Variants in BANK1 observed in about 807,000 individuals in gnomAD.
BANK1 encodes the protein B cell scaffold protein with ankyrin repeats 1, also known as B-cell scaffold protein with ankyrin repeats.
A neutral mutation model predicts 94.5 loss-of-function variants in BANK1; 95 were observed. The observed-to-expected ratio is 1.00, with a 90% CI of 0.85 to 1.19. The LOEUF (loss-of-function observed/expected upper bound fraction) is 1.19. Among genes scored for constraint, BANK1 ranks in the 50% most tolerant of loss-of-function variants. BANK1 has a pLI of 0.00. For synonymous variants in BANK1, 334 were observed against 308.4 expected (o/e 1.08, Z -0.87); for missense variants, 987 against 932.2 (o/e 1.06, Z -0.77).
At chr4:101,888,726 G>A (rs1309098822) in intron 5 of BANK1, among the ~76,000 whole-genome samples, 1 of 152,180 alleles carries the variant, frequency 6.6e-6, no homozygotes, top group African/African-American at 2.4e-5. Flanking sequence ...GTTAGAGATA[G>A]CTTATATAGA....
At chr4:101,834,078 A>G (rs1726732046) in intron 2 of BANK1, among the ~76,000 whole-genome samples, 1 of 152,182 alleles carries the variant, frequency 6.6e-6, no homozygotes, top group East Asian at 1.9e-4. Flanking sequence ...TGTTTTGGCC[A>G]CTTGAGCTAT....
rs527476562 is a variant in BANK1, at chr4:102,048,183, C to T, written c.1969+4276C>T. Among the ~76,000 whole-genome samples, 100 of 152,000 alleles carry T rather than the reference C, an allele frequency of 6.6e-4. 1 individual carries two copies. The South Asian group carries it at 0.02, about 30-fold the overall frequency. ...AGCAGTTTCTTTAGATTCCTTTATT[C>T]CTGAACATCAGTAATGTACCAGAAG... is the stretch of plus-strand genomic sequence containing the variant. On this transcript the variant is annotated intron_variant, in intron 11 of 16. Coordinates refer to ENST00000322953, the MANE Select transcript of BANK1 (RefSeq NM_017935.5).
intron 15 of BANK1, among the ~76,000 whole-genome samples, chr4:102,073,453 A>C (rs1728820949): frequency 1.3e-5 from 2 of 152,026 alleles, no homozygotes; most frequent in African/African-American, 4.8e-5. Flanking sequence ...CCCAATGCTT[A>C]AAATGTTCTG....
chr4:101,824,652 T>C (rs571602950), intron 1 of BANK1, among the ~76,000 whole-genome samples: 161 of 152,298 alleles, frequency 1.1e-3, no homozygotes, highest in African/African-American at 3.3e-3. Flanking sequence ...CTGAATCCAT[T>C]ATGGCTGTAA....
intron 11 of BANK1, among the ~76,000 whole-genome samples, chr4:102,052,153 C>T (rs982441516): frequency 7.8e-6 from 1 of 128,226 alleles, no homozygotes. Flanking sequence ...GAGTCTCGCT[C>T]TGTTGCCAGG....
At chr4:101,792,438 GGTTTGT>G (rs1725021312) in intron 1 of BANK1, among the ~76,000 whole-genome samples, 1 of 131,318 alleles carries the variant, frequency 7.6e-6, no homozygotes. Context: ...TAAATCCAGT[GGTTTGT>G]GTGTGTGTGT....
chr4:102,054,601 C>T (rs537605757), intron 11 of BANK1, among the ~76,000 whole-genome samples: 32 of 152,122 alleles, frequency 2.1e-4, no homozygotes, highest in African/African-American at 6.7e-4. Context: ...GGATACCAGC[C>T]AGGACTGAGA....
chr4:101,937,118 C>T (rs1412050649), intron 7 of BANK1, among the ~76,000 whole-genome samples: 1 of 151,558 alleles, frequency 6.6e-6, no homozygotes, highest in African/African-American at 2.4e-5. Context: ...ACTATTCAGC[C>T]ATAAAAAAGA....
At chr4:101,977,783 TAA>T (rs962834105) in intron 7 of BANK1, among the ~76,000 whole-genome samples, 4 of 152,168 alleles carry the variant, frequency 2.6e-5, no homozygotes, top group African/African-American at 9.7e-5. Context: ...CCATTGTTCT[TAA>T]AGACAAAAAT....
At chr4:101,878,536 T>G (rs1326550168) in intron 5 of BANK1, among the ~76,000 whole-genome samples, 1 of 152,194 alleles carries the variant, frequency 6.6e-6, no homozygotes, top group Non-Finnish European at 1.5e-5. Flanking sequence ...AATTTCAGCA[T>G]CGGACAGATA....
chr4:101,899,770 G>A (rs780104734), intron 6 of BANK1, among the ~76,000 whole-genome samples: 71 of 152,228 alleles, frequency 4.7e-4, no homozygotes, highest in African/African-American at 1.6e-3. Flanking sequence ...TTTGGCCTTC[G>A]TCATCCTAGA....
At chr4:102,062,724 T>TACAG (rs1181130555) in intron 12 of BANK1, 2 of 227,460 alleles carry the variant, frequency 8.8e-6, no homozygotes, top group African/African-American at 4.5e-5. Context: ...AAATAGCCAA[T>TACAG]ACAGACCCCA....
intron 7 of BANK1, among the ~76,000 whole-genome samples, chr4:101,943,260 A>G (rs1483056052): frequency 6.6e-6 from 1 of 151,968 alleles, no homozygotes; most frequent in Admixed American, 6.6e-5. Flanking sequence ...GCAATGGAGA[A>G]TATTAAAGGG....
chr4:101,870,124 CATAAG>C (rs993479339), intron 4 of BANK1, among the ~76,000 whole-genome samples: 4 of 151,808 alleles, frequency 2.6e-5, no homozygotes, highest in Admixed American at 6.6e-5. Context: ...AAATTGTTTT[CATAAG>C]ATAAATAATA....
chr4:101,920,110 C>T (rs1390890217), intron 7 of BANK1, among the ~76,000 whole-genome samples: 2 of 151,902 alleles, frequency 1.3e-5, no homozygotes, highest in Non-Finnish European at 2.9e-5. Context: ...GCTCAGCAAA[C>T]TATCGCAAGG....
chr4:101,920,320 T>C (rs886689549), intron 7 of BANK1, among the ~76,000 whole-genome samples: 9 of 151,950 alleles, frequency 5.9e-5, no homozygotes, highest in Admixed American at 5.9e-4. Flanking sequence ...TGTATACATA[T>C]GTAAGAAACC....
intron 1 of BANK1, among the ~76,000 whole-genome samples, chr4:101,810,846 C>T (rs1725711655): frequency 6.6e-6 from 1 of 152,122 alleles, no homozygotes; most frequent in African/African-American, 2.4e-5. Flanking sequence ...TCAGAACATT[C>T]ATTAGCATAT....
chr4:102,042,546 TG>T (rs905885747), intron 10 of BANK1, among the ~76,000 whole-genome samples: 2 of 151,998 alleles, frequency 1.3e-5, no homozygotes, highest in Admixed American at 6.6e-5. Flanking sequence ...TTTGATCAGA[TG>T]GGGGGAAATT....
chr4:101,871,067 G>A (rs1728267585), intron 5 of BANK1, among the ~76,000 whole-genome samples: 1 of 152,062 alleles, frequency 6.6e-6, no homozygotes, highest in African/African-American at 2.4e-5. Context: ...ACCAAAAAGG[G>A]AACGTGTGGT....
Sources: allele counts gnomAD v4.1 joint callset (sites outside exome capture counted in the v4.1 genomes callset), GRCh38; gene constraint gnomAD v4.1.1; transcripts MANE v1.5; gene names NCBI Gene and HGNC (gene_info 2026-07-23, HGNC 2026-07-21).